Variants in PTGFR observed in about 807,000 individuals in gnomAD.
The protein encoded by PTGFR is prostaglandin F2-alpha receptor.
Under a neutral mutation model 26.2 loss-of-function variants are expected in PTGFR, and 15 were observed. The observed-to-expected ratio is 0.57, with a 90% CI of 0.38 to 0.88. The LOEUF (loss-of-function observed/expected upper bound fraction) is 0.88, where lower values mean the gene tolerates loss of function less well. Ranked by LOEUF, PTGFR falls within the 40% of genes least tolerant of loss-of-function variation. PTGFR has a pLI of 0.00. For missense variants in PTGFR, 369 were observed against 427.2 expected, an observed-to-expected ratio of 0.86 and a Z score of 1.20; for synonymous variants, 165 against 151.1, an observed-to-expected ratio of 1.09 and a Z score of -0.68.
rs984183182 is a variant in PTGFR, at chr1:78,512,101, G to T, written c.798+18560G>T. On this transcript the variant is annotated intron_variant, in intron 2 of 2. Coordinates refer to ENST00000370757, the MANE Select transcript of PTGFR (RefSeq NM_000959.4). The stretch of plus-strand genomic sequence containing the variant: ...ACATTTCCATTAGGTTGTGATTTTC[G>T]TCACAACCATTTAATCAGTCTCTAA... Among the ~76,000 whole-genome samples the T allele has an allele frequency of 4.6e-5, 7 of 152,054 alleles. No homozygotes were observed. The South Asian group carries it at 1.5e-3, about 32-fold the overall frequency.
intron 2 of PTGFR, among the ~76,000 whole-genome samples, chr1:78,530,338 A>C (rs1570299066): frequency 1.3e-5 from 2 of 152,184 alleles, no homozygotes; most frequent in Non-Finnish European, 1.5e-5. Context: ...TGGGCACAGA[A>C]GATTTGGAGC....
At position 78,493,140 on chromosome 1, in the gene PTGFR, C is replaced by A. The variant is rs769693596; in HGVS notation, c.397C>A (p.Arg133=). 1 of 1,614,038 alleles carries A rather than the reference C, an allele frequency of 6.2e-7. No individual in the cohort carries two copies. Among genetic ancestry groups the A allele is most frequent in the Non-Finnish European group, 8.5e-7 (1 of 1,180,046 alleles). The change falls in exon 2 of 3, where the codon CGG becomes AGG. Residue 133 remains arginine (R), a synonymous_variant. Coordinates refer to ENST00000370757, the MANE Select transcript of PTGFR (RefSeq NM_000959.4). ...TCTAGGCAGTGTGATGGCCATTGAGCGGTGTATTGGAGTCACAAAACCAAT... is the reference window on the plus strand; with the variant it reads ...TCTAGGCAGTGTGATGGCCATTGAGAGGTGTATTGGAGTCACAAAACCAAT... ...LLLGSVMAIE[R]CIGVTKPIFH... is the part of the protein sequence containing the mutation.
At chr1:78,505,572 A>G (rs1386913694) in intron 2 of PTGFR, among the ~76,000 whole-genome samples, 1 of 152,166 alleles carries the variant, frequency 6.6e-6, no homozygotes, top group Non-Finnish European at 1.5e-5. Flanking sequence ...CATTTTAACC[A>G]TTTTAAAGTG....
At chr1:78,522,529 T>C (rs2100386946) in intron 2 of PTGFR, among the ~76,000 whole-genome samples, 1 of 152,230 alleles carries the variant, frequency 6.6e-6, no homozygotes, top group Non-Finnish European at 1.5e-5. Flanking sequence ...TACTCCTTTC[T>C]CAAAGCATAT....
intron 2 of PTGFR, among the ~76,000 whole-genome samples, chr1:78,527,921 G>A (rs1440100354): frequency 2.0e-5 from 3 of 152,026 alleles, no homozygotes; most frequent in African/African-American, 7.2e-5. Flanking sequence ...TTTTCTTGAT[G>A]GAGTTGACGG....
intron 2 of PTGFR, among the ~76,000 whole-genome samples, chr1:78,532,928 C>T (rs917402606): frequency 7.2e-5 from 11 of 152,038 alleles, no homozygotes; most frequent in African/African-American, 2.2e-4. Context: ...ACTATGAACT[C>T]GGATCAATCC....
At chr1:78,536,165 T>G in intron 2 of PTGFR, among the ~76,000 whole-genome samples, 1 of 152,190 alleles carries the variant, frequency 6.6e-6, no homozygotes. Flanking sequence ...ATTCTGTTTA[T>G]GCATATTTGA....
rs1473344035 is a variant in PTGFR, at chr1:78,536,919, G to A, written c.*232G>A. On this transcript the variant is annotated 3_prime_UTR_variant, in exon 3 of 3. Coordinates refer to ENST00000370757, the MANE Select transcript of PTGFR (RefSeq NM_000959.4). ...TAGACACAATAAAATAATGCCATGG[G>A]AGTCACACTGAAAGCAATTTTGAGC... 5 of 486,302 alleles carry A rather than the reference G, an allele frequency of 1.0e-5. No homozygotes were observed. Among genetic ancestry groups the A allele is most frequent in the Non-Finnish European group, 1.8e-5 (5 of 280,014 alleles). 30.1% of individuals were successfully genotyped at this position (486,302 alleles called of 1,614,324 possible). A position where few individuals can be genotyped will look rare whatever the true frequency, so the allele number is the denominator to read the frequency against.
chr1:78,527,049 T>C (rs1335851087), intron 2 of PTGFR, among the ~76,000 whole-genome samples: 5 of 152,096 alleles, frequency 3.3e-5, no homozygotes, highest in Non-Finnish European at 7.4e-5. Context: ...CCACAAGACA[T>C]GGACTTCAGT....
rs1650273691 is a variant in PTGFR, at chr1:78,522,596, GTTGTTCTGTTTTGTT to G, written c.799-13804_799-13790del. On this transcript the variant is annotated intron_variant, in intron 2 of 2. Coordinates refer to ENST00000370757, the MANE Select transcript of PTGFR (RefSeq NM_000959.4). ...GTCCAACCAGACTTATTTTGTTATT[GTTGTTCTGTTTTGTT>G]TTGTTTTAGGCTTTTAGCAGACTGA... 2.6e-5 allele frequency among the ~76,000 whole-genome samples: 4 copies of G among 152,096 alleles called. No individual in the cohort carries two copies. The South Asian group carries it at 8.3e-4, about 32-fold the overall frequency.
In PTGFR at chr1:78,493,586, T is replaced by C. The variant is rs368960385; in HGVS notation, c.798+45T>C. On this transcript the variant is annotated intron_variant, in intron 2 of 2. Transcript: ENST00000370757. ...ACTTCTGCTTTCTTGGGTTAATCCA[T>C]GTTCAATTCAAGGTTATCTGGAAGT... 1.6e-5 allele frequency: 24 copies of C among 1,485,842 alleles called. No homozygotes were observed. In the African/African-American group the frequency reaches 2.2e-4, roughly 14 times the overall value. The allele number at this position is 1,485,842 out of a possible 1,614,324, so 92.0% of individuals were successfully genotyped here. A position where few individuals can be genotyped will look rare whatever the true frequency, so the allele number is the denominator to read the frequency against.
At chr1:78,524,155 G>A (rs1427456721) in intron 2 of PTGFR, among the ~76,000 whole-genome samples, 2 of 151,944 alleles carry the variant, frequency 1.3e-5, no homozygotes, top group Admixed American at 1.3e-4. Flanking sequence ...CATGATGAGG[G>A]CACTTGTTCA....
intron 2 of PTGFR, among the ~76,000 whole-genome samples, chr1:78,525,034 C>A (rs1176005359): frequency 6.7e-6 from 1 of 148,948 alleles, no homozygotes; most frequent in African/African-American, 2.5e-5. Context: ...GAAAATAGTA[C>A]CCCATCCCCA....
intron 2 of PTGFR, among the ~76,000 whole-genome samples, chr1:78,511,975 A>G (rs906013923): frequency 1.6e-4 from 25 of 152,184 alleles, no homozygotes; most frequent in African/African-American, 6.0e-4. Flanking sequence ...TACAATACAG[A>G]CAAGTTATTT....
intron 2 of PTGFR, among the ~76,000 whole-genome samples, chr1:78,495,139 A>G (rs1196772907): frequency 6.6e-6 from 1 of 152,258 alleles, no homozygotes; most frequent in Non-Finnish European, 1.5e-5. Context: ...TGGCCAGGTC[A>G]TAAGAGCTCA....
At chr1:78,505,066 CTCA>C (rs771198429) in intron 2 of PTGFR, among the ~76,000 whole-genome samples, 3 of 151,036 alleles carry the variant, frequency 2.0e-5, no homozygotes, top group Non-Finnish European at 4.4e-5. Context: ...TGTAACTTTC[CTCA>C]TAATAGTGAG....
chr1:78,492,251 G>T (rs1297154371), intron 1 of PTGFR, among the ~76,000 whole-genome samples: 2 of 152,206 alleles, frequency 1.3e-5, no homozygotes, highest in East Asian at 3.8e-4. Flanking sequence ...TCTGCAGTTT[G>T]GGGGCAAAGC....
At chr1:78,525,812 C>T (rs1381644644) in intron 2 of PTGFR, among the ~76,000 whole-genome samples, 1 of 152,004 alleles carries the variant, frequency 6.6e-6, no homozygotes, top group African/African-American at 2.4e-5. Context: ...AAAGATACTC[C>T]TATCATTAAG....
In PTGFR at chr1:78,506,454, T is replaced by G. The variant is rs557932666; in HGVS notation, c.798+12913T>G. ...GAATTATTCCAGTTTTAAAAACCAG[T>G]AGGGAAATTCTTATTTTTCCAGGTC... On this transcript the variant is annotated intron_variant, in intron 2 of 2. Coordinates refer to ENST00000370757, the MANE Select transcript of PTGFR (RefSeq NM_000959.4). Among the ~76,000 whole-genome samples the G allele has an allele frequency of 1.7e-3, 264 of 152,146 alleles. 1 individual carries two copies. The highest frequency in any genetic ancestry group is 6.1e-3 in the African/African-American group (254 of 41,570).
Sources: gnomAD v4.1 joint callset for allele counts (sites outside exome capture counted in the v4.1 genomes callset) on GRCh38, gnomAD v4.1.1 for gene constraint, MANE v1.5 for transcripts, NCBI Gene and HGNC (gene_info 2026-07-23, HGNC 2026-07-21) for gene names.